The following LYPLAL1 variants were observed in gnomAD, a reference collection of about 807,000 sequenced individuals.
The protein encoded by LYPLAL1 is lysophospholipase like 1.
LYPLAL1 carries 23 observed loss-of-function variants against 19.7 expected under a neutral mutation model. The observed-to-expected ratio is 1.17, with a 90% CI of 0.84 to 1.65. The LOEUF is 1.65. Among genes scored for constraint, LYPLAL1 ranks in the 40% most tolerant of loss-of-function variants. The pLI is 0.00. For synonymous variants in LYPLAL1, 119 were observed against 96.3 expected (o/e 1.24, Z -1.38); for missense variants, 355 against 279.4 (o/e 1.27, Z -1.93).
chr1:219,204,429 T>G (rs1418562812), intron 3 of LYPLAL1, among the ~76,000 whole-genome samples: 2 of 152,210 alleles, frequency 1.3e-5, no homozygotes, highest in African/African-American at 4.8e-5. Flanking sequence ...TATTAAAGCC[T>G]GTCTTGAACT....
At chr1:219,203,195 A>T (rs1658260856) in intron 3 of LYPLAL1, among the ~76,000 whole-genome samples, 1 of 152,118 alleles carries the variant, frequency 6.6e-6, no homozygotes, top group Non-Finnish European at 1.5e-5. Context: ...ACTTTATAAA[A>T]CAAAACTACT....
At chr1:219,310,703 GTCT>G in the LYPLAL1 span, among the ~76,000 whole-genome samples, 1 of 152,142 alleles carries the variant, frequency 6.6e-6, no homozygotes, top group Non-Finnish European at 1.5e-5. Context: ...AATAAAATTT[GTCT>G]TCATGATTTT....
chr1:219,360,390 G>C, the LYPLAL1 span, among the ~76,000 whole-genome samples: 2 of 152,042 alleles, frequency 1.3e-5, no homozygotes, highest in Non-Finnish European at 2.9e-5. Context: ...AGCACTCTCA[G>C]GCTTGCCTTC....
At chr1:219,203,456 A>G (rs931877985) in intron 3 of LYPLAL1, among the ~76,000 whole-genome samples, 1 of 152,186 alleles carries the variant, frequency 6.6e-6, no homozygotes, top group Non-Finnish European at 1.5e-5. Context: ...CAGTCTAGTA[A>G]GGCAGAGAGG....
At position 219,173,935 on chromosome 1, in the gene LYPLAL1, G is replaced by A. The variant is rs375664243; in HGVS notation, c.45G>A (p.Ser15=). 6.2e-7 allele frequency: 1 copy of A among 1,613,902 alleles called. No homozygotes were observed. Among genetic ancestry groups the A allele is most frequent in the Admixed American group, 1.7e-5 (1 of 60,034 alleles). The part of the protein sequence containing the change: ...SGSVLQRCIV[S]PAGRHSASLI... ...CGGTTCTGCAGCGCTGTATCGTGTC[G>A]CCGGCAGGGAGGCATAGCGCCTCTC... Residue 15 remains serine, a synonymous_variant, in exon 1 of 5, where the codon TCG becomes TCA. Transcript: ENST00000366928.
chr1:219,330,557 A>G, the LYPLAL1 span, among the ~76,000 whole-genome samples: 4 of 152,190 alleles, frequency 2.6e-5, no homozygotes, highest in Non-Finnish European at 5.9e-5. Context: ...TGTAGATAGC[A>G]ATGCTTTTAT....
At chr1:219,227,534 C>T in the LYPLAL1 span, among the ~76,000 whole-genome samples, 1 of 152,010 alleles carries the variant, frequency 6.6e-6, no homozygotes, top group African/African-American at 2.4e-5. Flanking sequence ...GCCAGCTTTC[C>T]TTAAATTTAG....
At chr1:219,330,555 G>A in the LYPLAL1 span, among the ~76,000 whole-genome samples, 3 of 152,108 alleles carry the variant, frequency 2.0e-5, no homozygotes, top group African/African-American at 7.2e-5. Context: ...CATGTAGATA[G>A]CAATGCTTTT....
At chr1:219,417,551 G>C in the LYPLAL1 span, among the ~76,000 whole-genome samples, 1 of 152,194 alleles carries the variant, frequency 6.6e-6, no homozygotes, top group Non-Finnish European at 1.5e-5. Context: ...TTTGCAACCA[G>C]AACCACTGAT....
the LYPLAL1 span, among the ~76,000 whole-genome samples, chr1:219,375,332 G>A: frequency 6.6e-6 from 1 of 151,882 alleles, no homozygotes; most frequent in African/African-American, 2.4e-5. Flanking sequence ...TGGGCGTGGT[G>A]GCGCATGCCT....
chr1:219,194,883 A>G (rs1657482721), intron 3 of LYPLAL1, among the ~76,000 whole-genome samples: 1 of 152,090 alleles, frequency 6.6e-6, no homozygotes, highest in African/African-American at 2.4e-5. Context: ...ACAGTAAAGT[A>G]GAAGTGGACA....
At chr1:219,405,234 A>G in the LYPLAL1 span, among the ~76,000 whole-genome samples, 3 of 152,154 alleles carry the variant, frequency 2.0e-5, 1 homozygote, top group South Asian at 6.2e-4. Context: ...CATATTGACT[A>G]TTTTCTTGTG....
At chr1:219,289,752 G>A in the LYPLAL1 span, among the ~76,000 whole-genome samples, 16 of 152,212 alleles carry the variant, frequency 1.1e-4, 1 homozygote, top group South Asian at 1.2e-3. Context: ...AATTGCTCGC[G>A]CCATCCTCAT....
At chr1:219,437,706 C>T in the LYPLAL1 span, among the ~76,000 whole-genome samples, 2 of 151,652 alleles carry the variant, frequency 1.3e-5, no homozygotes, top group East Asian at 1.9e-4. Context: ...CCCTTCTCTC[C>T]CTGGTCCCAA....
At chr1:219,216,580 TCTCATC>T (rs1659298162), downstream of LYPLAL1, among the ~76,000 whole-genome samples, 1 of 152,138 alleles carries the variant, frequency 6.6e-6, no homozygotes, top group African/African-American at 2.4e-5. Flanking sequence ...AACACAAACT[TCTCATC>T]CTCATGTGAG....
the LYPLAL1 span, among the ~76,000 whole-genome samples, chr1:219,302,904 G>A: frequency 1.3e-5 from 2 of 151,996 alleles, no homozygotes; most frequent in African/African-American, 2.4e-5. Context: ...TTCACCACTC[G>A]TTGGTGGGAT....
chr1:219,315,196 G>T, the LYPLAL1 span, among the ~76,000 whole-genome samples: 1 of 152,132 alleles, frequency 6.6e-6, no homozygotes, highest in Admixed American at 6.5e-5. Flanking sequence ...TGTTATTATA[G>T]AAATAGTACC....
the LYPLAL1 span, among the ~76,000 whole-genome samples, chr1:219,283,065 T>A: frequency 6.6e-6 from 1 of 152,056 alleles, no homozygotes; most frequent in Non-Finnish European, 1.5e-5. Flanking sequence ...ATGGCAGACA[T>A]GATGAAATGT....
chr1:219,304,490 C>T, the LYPLAL1 span, among the ~76,000 whole-genome samples: 2 of 152,134 alleles, frequency 1.3e-5, no homozygotes, highest in Admixed American at 6.5e-5. Context: ...ATGATTTCAT[C>T]GTCATGGCAT....
Sources: allele counts gnomAD v4.1 joint callset (sites outside exome capture counted in the v4.1 genomes callset), GRCh38; gene constraint gnomAD v4.1.1; transcripts MANE v1.5; gene names NCBI Gene and HGNC (gene_info 2026-07-23, HGNC 2026-07-21).